RBM39: variants seen among roughly 807,000 people sequenced by gnomAD.
RBM39 encodes the protein RNA binding motif protein 39, also known as RNA-binding protein 39.
In RBM39, 12 loss-of-function variants were observed where a neutral mutation model predicts 79.6. The observed-to-expected ratio is 0.15, with a 90% CI of 0.10 to 0.24. The LOEUF is 0.24. RBM39 is among the 10% of genes least tolerant of loss of function. The probability of loss-of-function intolerance (pLI) is 1.00; values close to 1 mark genes in which losing one functional copy is unlikely to be tolerated. For missense variants in RBM39, 243 were observed against 653.4 expected, an observed-to-expected ratio of 0.37 and a Z score of 6.85; for synonymous variants, 185 against 208.4, an observed-to-expected ratio of 0.89 and a Z score of 0.97.
rs2035335841 is a variant in RBM39, at chr20:35,702,583, G to A, written c.*1898C>T. 6.6e-6 allele frequency: 1 copy of A among 152,322 alleles called. No homozygotes were observed. Among genetic ancestry groups the A allele is most frequent in the South Asian group, 2.1e-4 (1 of 4,824 alleles). The allele number at this position is 152,322 out of a possible 1,614,324, so 9.4% of individuals were successfully genotyped here. A position where few individuals can be genotyped will look rare whatever the true frequency, so the allele number is the denominator to read the frequency against. On this transcript the variant is annotated 3_prime_UTR_variant, in exon 17 of 17. Coordinates refer to ENST00000253363, the MANE Select transcript of RBM39 (RefSeq NM_184234.3). ...GATAGCAGGAGATACTTTGGAAAAA[G>A]AGCACACTGACAGAGTGTCTCTGCC...
intron 8 of RBM39, among the ~76,000 whole-genome samples, chr20:35,723,134 T>C (rs1395276298): frequency 2.6e-5 from 4 of 152,080 alleles, no homozygotes; most frequent in Non-Finnish European, 5.9e-5. Flanking sequence ...ACGTAGTTGT[T>C]TGTGATAAAA....
chr20:35,709,102 C>T, intron 13 of RBM39, 122 bp downstream of exon 13: 1 of 768,686 alleles, frequency 1.3e-6, no homozygotes, highest in Non-Finnish European at 2.1e-6. Context: ...CTATGTGTCA[C>T]TGTGTCAAAA....
intron 9 of RBM39, among the ~76,000 whole-genome samples, chr20:35,719,369 G>C (rs935988256): frequency 9.2e-5 from 14 of 152,176 alleles, no homozygotes; most frequent in African/African-American, 3.1e-4. Context: ...CTGTTTGGAA[G>C]AGAGTTGAGT....
chr20:35,708,241 CGA>C (rs2035988496), intron 13 of RBM39, among the ~76,000 whole-genome samples: 1 of 151,546 alleles, frequency 6.6e-6, no homozygotes, highest in South Asian at 2.1e-4. Context: ...GTTAAAGATT[CGA>C]GAGTGTATTA....
chr20:35,712,907 A>AT (rs1453165871), intron 12 of RBM39, 112 bp downstream of exon 12: 2 of 765,680 alleles, frequency 2.6e-6, no homozygotes, highest in African/African-American at 3.5e-5. Context: ...CTAACAGGCT[A>AT]TAAGTACTTG....
At chr20:35,739,900 A>G in intron 2 of RBM39, 1 of 169,684 alleles carries the variant, frequency 5.9e-6, no homozygotes, top group East Asian at 1.7e-4. Flanking sequence ...CTATAGGAGT[A>G]AAGTGCTAAC....
intron 13 of RBM39, chr20:35,707,876 A>G: frequency 4.3e-6 from 2 of 465,776 alleles, no homozygotes; most frequent in Non-Finnish European, 4.4e-6. Flanking sequence ...ATTTTCCAAG[A>G]CAGTTGCTCC....
intron 10 of RBM39, among the ~76,000 whole-genome samples, chr20:35,714,941 A>G (rs1186176691): frequency 1.3e-5 from 2 of 152,216 alleles, no homozygotes; most frequent in Admixed American, 1.3e-4. Context: ...TATCCACACT[A>G]AAGTTACTAG....
chr20:35,714,151 C>T, intron 11 of RBM39, 34 bp downstream of exon 11: 1 of 1,593,628 alleles, frequency 6.3e-7, no homozygotes, highest in Non-Finnish European at 8.6e-7. Flanking sequence ...ACAATACCCA[C>T]AGTAAATCAT....
intron 3 of RBM39, 23 bp from the exon 4 acceptor site, chr20:35,732,158 T>C (rs373556911): frequency 1.9e-6 from 3 of 1,611,468 alleles, no homozygotes; most frequent in African/African-American, 2.7e-5. Context: ...AAACTCGCCA[T>C]TATCATGCTG....
At chr20:35,722,458 CTTTTTT>C (rs72430622) in intron 8 of RBM39, among the ~76,000 whole-genome samples, 43 of 116,446 alleles carry the variant, frequency 3.7e-4, no homozygotes, top group Admixed American at 7.3e-4. Flanking sequence ...TATTTAGAGG[CTTTTTT>C]TTTTTTTTTT....
intron 8 of RBM39, 115 bp from the exon 9 acceptor site, chr20:35,721,992 CGTAA>C (rs2037995821): frequency 8.2e-7 from 1 of 1,214,184 alleles, no homozygotes; most frequent in Non-Finnish European, 1.2e-6. Flanking sequence ...TACTACCCTA[CGTAA>C]GTCAGATACT....
intron 1 of RBM39, chr20:35,741,462 G>GT (rs1183234263): frequency 2.6e-5 from 4 of 152,320 alleles, no homozygotes; most frequent in African/African-American, 9.7e-5. Flanking sequence ...TTTGGCTTAC[G>GT]TAAGTAAATC....
chr20:35,723,356 A>C (rs1013040161), intron 8 of RBM39, among the ~76,000 whole-genome samples: 1 of 152,142 alleles, frequency 6.6e-6, no homozygotes, highest in Non-Finnish European at 1.5e-5. Context: ...ACCTCACTTA[A>C]TATGCTACTT....
intron 12 of RBM39, chr20:35,710,325 G>A (rs1176120030): frequency 1.3e-5 from 2 of 152,166 alleles, no homozygotes; most frequent in African/African-American, 4.8e-5. Flanking sequence ...GGGAGCTGAA[G>A]AAATGTAACT....
At position 35,724,682 on chromosome 20, in the gene RBM39, C is replaced by T; in HGVS notation, c.575G>A (p.Arg192His). Residue 192 changes from arginine to histidine, a missense_variant, in exon 8 of 17, where the codon CGT becomes CAT. Physicochemically the swap from Arg to His is conservative, Grantham distance 29. Around this residue, in one of 4 missense-constraint regions of RBM39, gnomAD observed 61 missense variants for 322.9 expected, o/e 0.19. Coordinates refer to ENST00000253363, the MANE Select transcript of RBM39 (RefSeq NM_184234.3). ...VRMISDRNSR[R>H]SKGIAYVEFV... The stretch of plus-strand genomic sequence containing the variant: ...CTCCACATAAGCAATTCCTTTGGAA[C>T]GTCTTGAATTTCTGTCAGAAATCAT... 6.2e-7 allele frequency: 1 copy of T among 1,614,082 alleles called. No individual in the cohort carries two copies. The highest frequency in any genetic ancestry group is 8.5e-7 in the Non-Finnish European group (1 of 1,179,974).
At chr20:35,741,106 C>A (rs2040482480) in intron 1 of RBM39, among the ~76,000 whole-genome samples, 1 of 133,350 alleles carries the variant, frequency 7.5e-6, no homozygotes, top group Non-Finnish European at 1.5e-5. Flanking sequence ...GCGATCTCGG[C>A]TCACTGCAAG....
chr20:35,726,749 C>T (rs191615047), intron 6 of RBM39, among the ~76,000 whole-genome samples: 6 of 152,234 alleles, frequency 3.9e-5, no homozygotes, highest in East Asian at 1.9e-4. Flanking sequence ...AGCCTAAACA[C>T]GATCTTTTCC....
rs1160891218 is a variant in RBM39, at chr20:35,702,362, C to T, written c.*2119G>A. On this transcript the variant is annotated 3_prime_UTR_variant, in exon 17 of 17. Coordinates refer to ENST00000253363, the MANE Select transcript of RBM39 (RefSeq NM_184234.3). ...CACTCAGAATGAGCTGTTTTCTATG[C>T]ACGACACTATTCAAGTTACTACACT... 6.6e-6 allele frequency: 1 copy of T among 152,190 alleles called. No individual in the cohort carries two copies. 9.4% of individuals were successfully genotyped at this position (152,190 alleles called of 1,614,324 possible).
Sources: gnomAD v4.1 joint callset for allele counts (sites outside exome capture counted in the v4.1 genomes callset) on GRCh38, gnomAD v4.1.1 for gene constraint, gnomAD v4.1.1 regional missense constraint, MANE v1.5 for transcripts, NCBI Gene and HGNC (gene_info 2026-07-23, HGNC 2026-07-21) for gene names.